The following NCALD variants were observed in gnomAD, a reference collection of about 807,000 sequenced individuals.
The protein encoded by NCALD is neurocalcin-delta.
A neutral mutation model predicts 18.6 loss-of-function variants in NCALD; 10 were observed. That is an observed-to-expected ratio of 0.54 (90% CI 0.33 to 0.91). The LOEUF is 0.91. Ranked by LOEUF, NCALD falls within the 40% of genes least tolerant of loss-of-function variation. The pLI, the probability that NCALD is intolerant of heterozygous loss-of-function variation, is 0.03. For missense variants in NCALD, 184 were observed against 247.6 expected, an observed-to-expected ratio of 0.74 and a Z score of 1.72; for synonymous variants, 88 against 87.4, an observed-to-expected ratio of 1.01 and a Z score of -0.04.
intron 2 of NCALD, among the ~76,000 whole-genome samples, chr8:102,011,184 A>T (rs1394151386): frequency 6.6e-6 from 1 of 152,212 alleles, no homozygotes; most frequent in East Asian, 1.9e-4. Flanking sequence ...CACTTTCTCC[A>T]ACTTTATGGT....
chr8:101,824,511 C>A (rs1813852319), intron 4 of NCALD, among the ~76,000 whole-genome samples: 1 of 151,612 alleles, frequency 6.6e-6, no homozygotes. Context: ...AAGCTCCTAC[C>A]ACCTCTTCAA....
At chr8:102,045,732 T>C (rs1026103706) in intron 1 of NCALD, among the ~76,000 whole-genome samples, 4 of 152,228 alleles carry the variant, frequency 2.6e-5, no homozygotes, top group Non-Finnish European at 4.4e-5. Context: ...TATAACACAA[T>C]ATTTTCCCTT....
At chr8:101,866,335 C>A (rs1020549345) in intron 4 of NCALD, among the ~76,000 whole-genome samples, 1 of 152,192 alleles carries the variant, frequency 6.6e-6, no homozygotes, top group Admixed American at 6.5e-5. Flanking sequence ...AGAAACTCTT[C>A]TTTTTTCTGT....
At chr8:101,966,437 A>C (rs62518506) in intron 2 of NCALD, among the ~76,000 whole-genome samples, 25 of 143,762 alleles carry the variant, frequency 1.7e-4, no homozygotes, top group Non-Finnish European at 3.2e-4. Context: ...AACAATGAGA[A>C]CACATGGACA....
At chr8:101,843,753 T>G (rs1814749164) in intron 4 of NCALD, among the ~76,000 whole-genome samples, 1 of 151,910 alleles carries the variant, frequency 6.6e-6, no homozygotes, top group Non-Finnish European at 1.5e-5. Context: ...AGCTAATTTT[T>G]GTATTTTCTG....
At chr8:101,702,775 C>T (rs7824122) in intron 2 of NCALD, among the ~76,000 whole-genome samples, 18 of 152,310 alleles carry the variant, frequency 1.2e-4, no homozygotes, top group African/African-American at 4.1e-4. Flanking sequence ...CAGAAACAAA[C>T]GCTGAACAAT....
At chr8:101,844,990 C>T (rs1038639491) in intron 4 of NCALD, among the ~76,000 whole-genome samples, 2 of 152,136 alleles carry the variant, frequency 1.3e-5, no homozygotes, top group Admixed American at 6.5e-5. Flanking sequence ...CCCAACTGTG[C>T]TAGTATACCA....
intron 1 of NCALD, among the ~76,000 whole-genome samples, chr8:102,037,644 ATT>A (rs544397089): frequency 6.9e-6 from 1 of 144,564 alleles, no homozygotes; most frequent in Non-Finnish European, 1.5e-5. Context: ...TAATTTTCCA[ATT>A]TTTTTTTTGA....
chr8:101,895,178 C>A (rs186422235), intron 3 of NCALD, among the ~76,000 whole-genome samples: 1 of 148,928 alleles, frequency 6.7e-6, no homozygotes, highest in African/African-American at 2.6e-5. Flanking sequence ...ATCAAGTGGG[C>A]TTCATCCCTG....
chr8:102,050,748 T>A (rs1358177425), intron 1 of NCALD, among the ~76,000 whole-genome samples: 1 of 146,896 alleles, frequency 6.8e-6, no homozygotes, highest in African/African-American at 2.5e-5. Flanking sequence ...TTTTATATAA[T>A]TTATATATAA....
intron 1 of NCALD, among the ~76,000 whole-genome samples, chr8:102,097,918 T>G (rs1825156377): frequency 6.6e-6 from 1 of 152,148 alleles, no homozygotes; most frequent in Admixed American, 6.5e-5. Context: ...CACAACGCAA[T>G]GCAAAGGCCA....
intron 1 of NCALD, among the ~76,000 whole-genome samples, chr8:101,745,125 G>C (rs774235874): frequency 6.6e-6 from 1 of 151,526 alleles, no homozygotes; most frequent in Admixed American, 6.6e-5. Context: ...CTCAAAAAAC[G>C]TAGTAATTGC....
chr8:101,976,483 T>C (rs2131919272), intron 2 of NCALD, among the ~76,000 whole-genome samples: 1 of 152,350 alleles, frequency 6.6e-6, no homozygotes, highest in Middle Eastern at 3.4e-3. Context: ...TTGACCTCAA[T>C]TTACACTTTT....
intron 1 of NCALD, among the ~76,000 whole-genome samples, chr8:101,743,267 A>G (rs549423913): frequency 7.1e-4 from 73 of 102,418 alleles, no homozygotes; most frequent in African/African-American, 1.9e-3. Flanking sequence ...GTGTTCCTGG[A>G]TATTACAGTA....
chr8:101,921,848 ATTT>A (rs1048986654), intron 2 of NCALD, among the ~76,000 whole-genome samples: 4 of 152,160 alleles, frequency 2.6e-5, no homozygotes, highest in Non-Finnish European at 1.5e-5. Flanking sequence ...TCCAAGTATG[ATTT>A]TTTAACTGAG....
intron 2 of NCALD, among the ~76,000 whole-genome samples, chr8:101,968,550 T>C (rs913573454): frequency 6.6e-6 from 1 of 152,152 alleles, no homozygotes; most frequent in Non-Finnish European, 1.5e-5. Context: ...CCTGAGTCTT[T>C]TTATCCCTAA....
chr8:102,123,038 T>C (rs571889123), intron 1 of NCALD, among the ~76,000 whole-genome samples: 2 of 152,370 alleles, frequency 1.3e-5, no homozygotes, highest in African/African-American at 4.8e-5. Context: ...CTTTGTAGTC[T>C]GCATCAAGGC....
At chr8:101,947,696 T>C (rs1819229362) in intron 2 of NCALD, among the ~76,000 whole-genome samples, 1 of 152,168 alleles carries the variant, frequency 6.6e-6, no homozygotes, top group African/African-American at 2.4e-5. Context: ...TTTAATTCCA[T>C]TTTTCCATGA....
intron 4 of NCALD, among the ~76,000 whole-genome samples, chr8:101,873,122 G>GT (rs541727134): frequency 3.9e-5 from 6 of 152,290 alleles, no homozygotes; most frequent in African/African-American, 1.4e-4. Context: ...ATTGACTTCT[G>GT]TTTTTTAAGC....
Sources: gnomAD v4.1 joint callset for allele counts (sites outside exome capture counted in the v4.1 genomes callset) on GRCh38, gnomAD v4.1.1 for gene constraint, MANE v1.5 for transcripts, NCBI Gene and HGNC (gene_info 2026-07-23, HGNC 2026-07-21) for gene names.